The following NOMO2 variants were observed in gnomAD, a reference collection of about 807,000 sequenced individuals.
NOMO2 encodes the protein BOS complex subunit NOMO2.
Under a neutral mutation model 67.1 loss-of-function variants are expected in NOMO2, and 14 were observed. The ratio of observed to expected loss-of-function variants is 0.21; its 90% CI spans 0.14 to 0.33. The LOEUF (loss-of-function observed/expected upper bound fraction) is 0.33. Among genes scored for constraint, NOMO2 ranks in the 10% least tolerant of loss-of-function variants. The pLI, the probability that NOMO2 is intolerant of heterozygous loss-of-function variation, is 1.00. For synonymous variants in NOMO2, 80 were observed against 305.9 expected, an observed-to-expected ratio of 0.26 and a Z score of 7.71; for missense variants, 178 against 761.0, an observed-to-expected ratio of 0.23 and a Z score of 9.01.
At chr16:18,542,883 C>CAA in intron 7 of NOMO2, 152 bp from the exon 8 acceptor site, 3 of 560,502 alleles carry the variant, frequency 5.4e-6, no homozygotes, top group Non-Finnish European at 5.9e-6. Flanking sequence ...ATAAAAGGAA[C>CAA]AAAAATCTTG....
At position 18,538,888 on chromosome 16, in the gene NOMO2, GC is replaced by G; in HGVS notation, c.1039del (p.Ala347GlnfsTer2). 1 of 1,566,978 alleles carries G rather than the reference GC, an allele frequency of 6.4e-7. No homozygotes were observed. The highest frequency in any genetic ancestry group is 1.1e-5 in the South Asian group (1 of 89,360). ...GATTTGGTTATTCAGGGTGACTACT[GC>G]TTCTGGAACACCATCTCCTTCGGGT... ...NGPEGDGVPE[A>X]VVTLNNQIKV... On this transcript the variant is annotated frameshift_variant, in exon 10 of 31. Transcript: ENST00000622306. LOFTEE classifies it high-confidence loss of function.
At chr16:18,526,156 G>A (rs1901141423) in intron 16 of NOMO2, among the ~76,000 whole-genome samples, 1 of 151,762 alleles carries the variant, frequency 6.6e-6, no homozygotes, top group African/African-American at 2.4e-5. Flanking sequence ...TTTTATCTTG[G>A]GAACCAAACA....
intron 16 of NOMO2, among the ~76,000 whole-genome samples, chr16:18,526,835 A>G (rs1382660427): frequency 6.6e-6 from 1 of 152,038 alleles, no homozygotes; most frequent in African/African-American, 2.4e-5. Flanking sequence ...GTGCAACTTG[A>G]TAAATTTACT....
At chr16:18,533,633 A>G (rs1026018092) in intron 11 of NOMO2, 4 of 166,064 alleles carry the variant, frequency 2.4e-5, no homozygotes, top group African/African-American at 9.6e-5. Context: ...AGTCAGGATT[A>G]TCAAAGACGT....
rs575043025 is a variant in NOMO2, at chr16:18,544,347, T to C, written c.583-578A>G. ...CTTTATATTCCTCTATATGTTCCAATTTTTTTAATGAGCATATTTTGCCTT... is the reference window on the plus strand; with the variant it reads ...CTTTATATTCCTCTATATGTTCCAACTTTTTTAATGAGCATATTTTGCCTT... On this transcript the variant is annotated intron_variant, in intron 6 of 30. Transcript: ENST00000622306. Among the ~76,000 whole-genome samples the C allele has an allele frequency of 7.1e-3, 1,075 of 151,922 alleles. 13 individuals are homozygous for C. The highest frequency in any genetic ancestry group is 0.024 in the African/African-American group (1,013 of 41,398).
At chr16:18,561,195 A>AAAAC (rs1555467964) in intron 1 of NOMO2, among the ~76,000 whole-genome samples, 1,608 of 100,392 alleles carry the variant, frequency 0.016, 84 homozygotes, top group Non-Finnish European at 0.021. Context: ...AAAAAAAAAA[A>AAAAC]AAAAAAAAAA....
At chr16:18,559,735 A>G (rs1901994875) in intron 1 of NOMO2, among the ~76,000 whole-genome samples, 1 of 152,028 alleles carries the variant, frequency 6.6e-6, no homozygotes, top group Non-Finnish European at 1.5e-5. Flanking sequence ...CATTCATCCA[A>G]AAGGATTCAG....
intron 1 of NOMO2, 137 bp from the exon 2 acceptor site, chr16:18,557,928 C>T: frequency 1.4e-6 from 2 of 1,480,664 alleles, no homozygotes; most frequent in Non-Finnish European, 1.8e-6. Flanking sequence ...CGGGGCATTA[C>T]TGGGGACAGA....
intron 2 of NOMO2, among the ~76,000 whole-genome samples, chr16:18,555,616 T>G (rs571189204): frequency 6.7e-6 from 1 of 149,356 alleles, no homozygotes; most frequent in East Asian, 1.9e-4. Flanking sequence ...TCTGTTTTAG[T>G]TTTTTTTTTT....
At chr16:18,557,850 A>G (rs931833633) in intron 1 of NOMO2, 59 bp from the exon 2 acceptor site, 4 of 1,577,144 alleles carry the variant, frequency 2.5e-6, no homozygotes, top group Non-Finnish European at 8.6e-7. Context: ...TTAACTACAC[A>G]TGTTACACCT....
At chr16:18,545,964 A>G (rs1901654859) in intron 6 of NOMO2, among the ~76,000 whole-genome samples, 1 of 33,386 alleles carries the variant, frequency 3.0e-5, no homozygotes, top group Non-Finnish European at 4.9e-5. Flanking sequence ...ACAAAAATTA[A>G]CTGGGCATGG....
chr16:18,544,151 C>T (rs1461749135), intron 6 of NOMO2, among the ~76,000 whole-genome samples: 1 of 152,102 alleles, frequency 6.6e-6, no homozygotes, highest in Admixed American at 6.6e-5. Flanking sequence ...GCCTCAGCCT[C>T]CCAAAGTGCT....
chr16:18,529,936 C>G (rs1158410570), intron 14 of NOMO2, among the ~76,000 whole-genome samples: 3 of 149,936 alleles, frequency 2.0e-5, no homozygotes, highest in Non-Finnish European at 4.4e-5. Context: ...ACCAACATAG[C>G]AAAACCCCAT....
intron 2 of NOMO2, among the ~76,000 whole-genome samples, chr16:18,555,710 G>A (rs1901889178): frequency 7.7e-6 from 1 of 130,026 alleles, no homozygotes; most frequent in Non-Finnish European, 1.6e-5. Context: ...CTGGGTTCAA[G>A]CGATTCTCCT....
Position 18,533,187 on chromosome 16 carries a change from G to A in NOMO2, c.1221-8C>T. The A allele has an allele frequency of 6.2e-7, 1 of 1,611,244 alleles. No individual in the cohort carries two copies. The highest frequency in any genetic ancestry group is 8.5e-7 in the Non-Finnish European group (1 of 1,179,678). ...CGACCACAGACACTGAACCTGCAAA[G>A]AGAAGACCATTCATTCCAGCACGAG... On this transcript the variant is annotated splice_region_variant and splice_polypyrimidine_tract_variant and intron_variant, in intron 11 of 30. Transcript: ENST00000622306.
intron 3 of NOMO2, among the ~76,000 whole-genome samples, chr16:18,554,555 G>A (rs1262074372): frequency 1.8e-4 from 26 of 148,356 alleles, no homozygotes; most frequent in African/African-American, 5.9e-4. Flanking sequence ...GAAACTGCAA[G>A]GGAAGAGTTT....
intron 1 of NOMO2, among the ~76,000 whole-genome samples, chr16:18,561,413 A>G (rs1902047517): frequency 6.7e-6 from 1 of 148,498 alleles, no homozygotes; most frequent in African/African-American, 2.5e-5. Flanking sequence ...GGTTTGGAGG[A>G]GCAGTGGATT....
chr16:18,536,930 G>A (rs1296915624), intron 11 of NOMO2, among the ~76,000 whole-genome samples: 1 of 151,874 alleles, frequency 6.6e-6, no homozygotes, highest in Non-Finnish European at 1.5e-5. Context: ...ATCAAGCCAG[G>A]GGACTGTGTT....
At chr16:18,559,869 T>A (rs1166302838) in intron 1 of NOMO2, among the ~76,000 whole-genome samples, 1 of 151,914 alleles carries the variant, frequency 6.6e-6, no homozygotes, top group Non-Finnish European at 1.5e-5. Context: ...CAGTATAATT[T>A]TTTTTTTTTA....
Sources: allele counts gnomAD v4.1 joint callset (sites outside exome capture counted in the v4.1 genomes callset), GRCh38; gene constraint gnomAD v4.1.1; transcripts MANE v1.5; gene names NCBI Gene and HGNC (gene_info 2026-07-23, HGNC 2026-07-21).